Variants in CENPS observed in about 807,000 individuals in gnomAD.
CENPS encodes centromere protein S.
CENPS carries 16 observed loss-of-function variants against 17.9 expected under a neutral mutation model. The observed-to-expected ratio is 0.90, with a 90% confidence interval of 0.61 to 1.36. The LOEUF (loss-of-function observed/expected upper bound fraction) is 1.36. Ranked by LOEUF, CENPS falls within the 40% of genes most tolerant of loss-of-function variation. CENPS has a pLI of 0.00. For synonymous variants in CENPS, 49 were observed against 55.8 expected, an observed-to-expected ratio of 0.88 and a Z score of 0.54; for missense variants, 160 against 158.6, an observed-to-expected ratio of 1.01 and a Z score of -0.05.
intron 3 of CENPS, among the ~76,000 whole-genome samples, chr1:10,439,837 T>A (rs1640332776): frequency 6.6e-6 from 1 of 152,028 alleles, no homozygotes. Flanking sequence ...CCTTAGGAGG[T>A]GCCTGCATAT....
At chr1:10,437,949 A>T (rs902567707) in intron 3 of CENPS, among the ~76,000 whole-genome samples, 2 of 151,390 alleles carry the variant, frequency 1.3e-5, no homozygotes, top group Non-Finnish European at 2.9e-5. Context: ...TTTAATAGAG[A>T]TGGGGTTTCA....
rs146938181 is a variant in CENPS, at chr1:10,433,933, C to T, written c.143C>T (p.Ala48Val). The T allele has an allele frequency of 6.2e-6, 10 of 1,614,168 alleles. No individual in the cohort carries two copies. Among genetic ancestry groups the T allele is most frequent in the African/African-American group, 5.3e-5 (4 of 75,034 alleles). Residue 48 changes from alanine (A) to valine (V), a missense_variant, in exon 2 of 5, where the codon GCG becomes GTG. By Grantham distance (64) the Ala-to-Val change is moderately conservative. Transcript: ENST00000309048. ...KEMQFSKQTI[A>V]AISELTFRQC... The stretch of plus-strand genomic sequence containing the variant: ...ATGCAGTTCAGCAAACAGACCATTG[C>T]GGCCATTTCGGAGCTGACTTTCCGA...
At position 10,433,979 on chromosome 1, in the gene CENPS, G is replaced by GC; in HGVS notation, c.175+16dup. On this transcript the variant is annotated intron_variant, in intron 2 of 4. Transcript: ENST00000309048. Reference sequence around the variant, plus strand: ...TCCGACAGTGTGGTATGAAGCTTCGGCCTCCCCAGCCATGTCTGTAAACCC... The same window carrying GC: ...TCCGACAGTGTGGTATGAAGCTTCGGCCCTCCCCAGCCATGTCTGTAAACCC... 1 of 1,614,004 alleles carries GC rather than the reference G, an allele frequency of 6.2e-7. No homozygotes were observed. The highest frequency in any genetic ancestry group is 1.3e-5 in the African/African-American group (1 of 75,030).
chr1:10,442,383 G>C lies in CENPS; in HGVS notation c.395G>C (p.Gly132Ala). 2 of 1,594,292 alleles carry C rather than the reference G, an allele frequency of 1.3e-6. No individual in the cohort carries two copies. The highest frequency in any genetic ancestry group is 1.7e-6 in the Non-Finnish European group (2 of 1,174,906). Reference protein sequence around the residue: ...SKNSRQPAEAGVVESEN With the variant: ...SKNSRQPAEAAVVESEN The stretch of plus-strand genomic sequence containing the variant: ...AATTCAAGGCAGCCAGCAGAGGCTG[G>C]AGTGGTGGAAAGTGAGAATTAAAGT... The change falls in exon 5 of 5, where the codon GGA becomes GCA. Residue 132 changes from glycine (G) to alanine (A), a missense_variant. Transcript: ENST00000309048.
At chr1:10,437,236 A>G (rs185770184) in intron 3 of CENPS, among the ~76,000 whole-genome samples, 2 of 152,040 alleles carry the variant, frequency 1.3e-5, no homozygotes, top group African/African-American at 2.4e-5. Flanking sequence ...GCTCACTGCA[A>G]CCTAGAGCTC....
chr1:10,439,882 C>T (rs1166953063), intron 3 of CENPS, among the ~76,000 whole-genome samples: 1 of 152,210 alleles, frequency 6.6e-6, no homozygotes, highest in Non-Finnish European at 1.5e-5. Flanking sequence ...TGGAGAACAT[C>T]AGGATCTTGA....
At position 10,442,524 on chromosome 1, in the gene CENPS, C is replaced by A; in HGVS notation, c.*119C>A. The A allele has an allele frequency of 7.4e-7, 1 of 1,350,366 alleles. No individual in the cohort carries two copies. The highest frequency in any genetic ancestry group is 9.5e-7 in the Non-Finnish European group (1 of 1,050,926). 83.6% of individuals were successfully genotyped at this position (1,350,366 alleles called of 1,614,324 possible). On this transcript the variant is annotated 3_prime_UTR_variant, in exon 5 of 5. Coordinates refer to ENST00000309048, the MANE Select transcript of CENPS (RefSeq NM_199294.3). ...GATTTAAAAAAATAAAATAAAAAGGCTGGGCTAGGGTGCTTTTTGTGCTGA... is the reference window on the plus strand; with the variant it reads ...GATTTAAAAAAATAAAATAAAAAGGATGGGCTAGGGTGCTTTTTGTGCTGA...
chr1:10,431,501 T>G, intron 1 of CENPS: 1 of 1,331,982 alleles, frequency 7.5e-7, no homozygotes, highest in South Asian at 1.3e-5. Flanking sequence ...ATTGGAGAAT[T>G]AATTGCAGAT....
At position 10,430,468 on chromosome 1, in the gene CENPS, C is replaced by T; in HGVS notation, c.-50C>T. The stretch of plus-strand genomic sequence containing the variant: ...GGGAAAATCCGACCTGGCCGCGCAC[C>T]ACCGCCCCTTCTCGGCCCTCCTGCG... On this transcript the variant is annotated 5_prime_UTR_variant, in exon 1 of 5. Transcript: ENST00000309048. 6.5e-7 allele frequency: 1 copy of T among 1,529,922 alleles called. No individual in the cohort carries two copies. The highest frequency in any genetic ancestry group is 8.8e-7 in the Non-Finnish European group (1 of 1,139,336). The allele number at this position is 1,529,922 out of a possible 1,614,324, so 94.8% of individuals were successfully genotyped here.
rs972335270 is a variant in CENPS, at chr1:10,440,505, G to A, written c.276+92G>A. 5 of 1,520,560 alleles carry A rather than the reference G, an allele frequency of 3.3e-6. No individual in the cohort carries two copies. In the Admixed American group the frequency reaches 8.5e-5, roughly 26 times the overall value. 94.2% of individuals were successfully genotyped at this position (1,520,560 alleles called of 1,614,324 possible). ...TGAAGCCATGAAGTTATTCCCCAGG[G>A]CACCTTGCATTAGAAACTAGAGGTG... is the stretch of plus-strand genomic sequence containing the variant. On this transcript the variant is annotated intron_variant, in intron 4 of 4. Transcript: ENST00000309048.
intron 3 of CENPS, among the ~76,000 whole-genome samples, chr1:10,438,036 A>G (rs2124276740): frequency 6.6e-6 from 1 of 152,352 alleles, no homozygotes; most frequent in South Asian, 2.1e-4. Context: ...TGCTGGGATT[A>G]CAGGTGTGAT....
At chr1:10,439,677 G>A (rs1400293956) in intron 3 of CENPS, among the ~76,000 whole-genome samples, 1 of 152,040 alleles carries the variant, frequency 6.6e-6, no homozygotes, top group African/African-American at 2.4e-5. Context: ...GGAGGCGGAG[G>A]TTGCAGTGAG....
intron 1 of CENPS, 194 bp downstream of exon 1, chr1:10,430,762 T>G (rs892691341): frequency 1.1e-5 from 15 of 1,393,784 alleles, no homozygotes; most frequent in Non-Finnish European, 1.4e-5. Context: ...GGCTGGACCC[T>G]GGCCTGCGCT....
intron 1 of CENPS, 111 bp from the exon 2 acceptor site, chr1:10,433,731 G>A (rs1640025395): frequency 1.9e-6 from 3 of 1,541,776 alleles, no homozygotes; most frequent in African/African-American, 2.7e-5. Context: ...ATTATGGAAA[G>A]CGCCAGAGGG....
In CENPS at chr1:10,433,393, G is replaced by C. The variant is rs190269322; in HGVS notation, c.52-449G>C. On this transcript the variant is annotated intron_variant, in intron 1 of 4. Coordinates refer to ENST00000309048, the MANE Select transcript of CENPS (RefSeq NM_199294.3). ...TGACGTGCAGGCCTGGGGCTGCCAG[G>C]GGCTTGCAGCAGAGGGATGGGATCC... Among the ~76,000 whole-genome samples, 24 of 152,270 alleles carry C rather than the reference G, an allele frequency of 1.6e-4. No homozygotes were observed. In the Middle Eastern group the frequency reaches 0.017, roughly 109 times the overall value.
intron 4 of CENPS, among the ~76,000 whole-genome samples, chr1:10,440,932 G>A (rs1441934792): frequency 3.3e-5 from 5 of 152,204 alleles, no homozygotes; most frequent in Admixed American, 1.3e-4. Flanking sequence ...CCAGGACAGC[G>A]GGGAGCTTTC....
intron 1 of CENPS, among the ~76,000 whole-genome samples, chr1:10,433,056 A>T (rs1372477767): frequency 1.3e-5 from 2 of 152,018 alleles, no homozygotes; most frequent in African/African-American, 2.4e-5. Context: ...GGTAGATTTT[A>T]TGCCCTTGTG....
intron 1 of CENPS, chr1:10,430,792 C>A (rs1043538131): frequency 2.2e-6 from 3 of 1,367,302 alleles, no homozygotes; most frequent in Non-Finnish European, 2.8e-6. Context: ...GGAAGCGGTT[C>A]TAGGGGAGCG....
At chr1:10,440,223 A>G in intron 3 of CENPS, 124 bp from the exon 4 acceptor site, 1 of 1,288,462 alleles carries the variant, frequency 7.8e-7, no homozygotes, top group Non-Finnish European at 1.0e-6. Context: ...AATGCCCTTT[A>G]TCTAAAAGGA....
Sources: allele counts gnomAD v4.1 joint callset (sites outside exome capture counted in the v4.1 genomes callset), GRCh38; gene constraint gnomAD v4.1.1; transcripts MANE v1.5; gene names NCBI Gene and HGNC (gene_info 2026-07-23, HGNC 2026-07-21).